RBMS3: variants seen among roughly 807,000 people sequenced by gnomAD.
RBMS3 encodes the protein RNA binding motif single stranded interacting protein 3.
In RBMS3, 27 loss-of-function variants were observed where a neutral mutation model predicts 66.8. The ratio of observed to expected loss-of-function variants is 0.40; its 90% confidence interval spans 0.30 to 0.56. The LOEUF is 0.56. RBMS3 is among the 20% of genes least tolerant of loss of function. The pLI is 0.40. For synonymous variants in RBMS3, 188 were observed against 183.0 expected, an observed-to-expected ratio of 1.03 and a Z score of -0.22; for missense variants, 513 against 549.5, an observed-to-expected ratio of 0.93 and a Z score of 0.66.
At chr3:29,733,367 CT>C (rs5847589) in intron 4 of RBMS3, among the ~76,000 whole-genome samples, 22 of 148,462 alleles carry the variant, frequency 1.5e-4, no homozygotes, top group East Asian at 2.0e-4. Context: ...TAGTTATTTC[CT>C]TTTTTTTTTG....
chr3:29,996,512 T>G (rs1441236389), intron 14 of RBMS3, among the ~76,000 whole-genome samples: 1 of 149,818 alleles, frequency 6.7e-6, no homozygotes, highest in South Asian at 2.2e-4. Flanking sequence ...GACCACATAC[T>G]TGGAAGTAAA....
chr3:29,503,391 C>T (rs1443842239), intron 3 of RBMS3, among the ~76,000 whole-genome samples: 4 of 152,044 alleles, frequency 2.6e-5, no homozygotes, highest in African/African-American at 9.7e-5. Flanking sequence ...AGCATCTGTG[C>T]TCAGTTTTTT....
rs1435221056 is a variant in RBMS3, at chr3:29,434,771, T to C, written c.104T>C (p.Met35Thr). The change falls in exon 2 of 15, where the codon ATG (methionine) becomes ACG (threonine). Residue 35 changes from methionine to threonine, a missense_variant. Met to Thr is a moderately conservative substitution (Grantham distance 81). Transcript: ENST00000383767. ...KQSYAPAPHP[M>T]APPSPSTNSS... The stretch of plus-strand genomic sequence containing the variant: ...TCCTATGCACCAGCTCCCCACCCCA[T>C]GGCTCCTCCCAGCCCCAGCACAAAC... 6.2e-7 allele frequency: 1 copy of C among 1,613,826 alleles called. No homozygotes were observed. The highest frequency in any genetic ancestry group is 2.2e-5 in the East Asian group (1 of 44,886).
In RBMS3 at chr3:29,302,758, G is replaced by T. The variant is rs557406962; in HGVS notation, c.75+21002G>T. Among the ~76,000 whole-genome samples the T allele has an allele frequency of 2.3e-3, 344 of 152,144 alleles. 1 individual carries two copies. The highest frequency in any genetic ancestry group is 7.6e-3 in the African/African-American group (315 of 41,558). ...GTCCAAACTCCCTTGCCAATAGAGAGAAGTTCTGTGCTATGTGGCTGGGAT... is the reference window on the plus strand; with the variant it reads ...GTCCAAACTCCCTTGCCAATAGAGATAAGTTCTGTGCTATGTGGCTGGGAT... On this transcript the variant is annotated intron_variant, in intron 1 of 14. Transcript: ENST00000383767.
chr3:29,517,666 C>T (rs2044698571), intron 3 of RBMS3, among the ~76,000 whole-genome samples: 1 of 152,182 alleles, frequency 6.6e-6, no homozygotes, highest in Non-Finnish European at 1.5e-5. Context: ...TCTACTGCTA[C>T]TGTCCACTAT....
intron 1 of RBMS3, among the ~76,000 whole-genome samples, chr3:29,392,391 A>T (rs548907821): frequency 6.6e-6 from 1 of 152,304 alleles, no homozygotes; most frequent in South Asian, 2.1e-4. Flanking sequence ...ATTCCATCTC[A>T]TCCACCTGGA....
chr3:29,522,667 G>A (rs1344879613), intron 3 of RBMS3, among the ~76,000 whole-genome samples: 1 of 152,102 alleles, frequency 6.6e-6, no homozygotes, highest in Non-Finnish European at 1.5e-5. Flanking sequence ...GGTACCAGGA[G>A]GAAACACTGT....
intron 1 of RBMS3, among the ~76,000 whole-genome samples, chr3:29,320,498 T>C (rs2034943959): frequency 1.3e-5 from 2 of 152,086 alleles, no homozygotes; most frequent in African/African-American, 2.4e-5. Context: ...GAGAAATTCA[T>C]ACTATCACAG....
At chr3:29,860,640 T>A (rs1391989815) in intron 6 of RBMS3, among the ~76,000 whole-genome samples, 2 of 152,206 alleles carry the variant, frequency 1.3e-5, no homozygotes, top group Non-Finnish European at 2.9e-5. Context: ...CCTTCTAGAC[T>A]GTGACCACTT....
intron 12 of RBMS3, among the ~76,000 whole-genome samples, chr3:29,953,636 CTATG>C (rs1695832642): frequency 6.6e-6 from 1 of 151,784 alleles, no homozygotes; most frequent in Admixed American, 6.6e-5. Flanking sequence ...CACATACATA[CTATG>C]TTCTAGGCAC....
At chr3:29,884,069 G>T in intron 7 of RBMS3, 93 bp from the exon 8 acceptor site, 3 of 1,080,206 alleles carry the variant, frequency 2.8e-6, no homozygotes, top group Middle Eastern at 4.1e-4. Flanking sequence ...ATCATGGAAA[G>T]TAATGATAAG....
intron 12 of RBMS3, among the ~76,000 whole-genome samples, chr3:29,962,702 A>G (rs1696565835): frequency 6.6e-6 from 1 of 152,032 alleles, no homozygotes; most frequent in South Asian, 2.1e-4. Context: ...TTGCTTGGAT[A>G]TTAAGACTCT....
intron 14 of RBMS3, among the ~76,000 whole-genome samples, chr3:30,000,646 C>A (rs1699556992): frequency 6.6e-6 from 1 of 152,068 alleles, no homozygotes; most frequent in Non-Finnish European, 1.5e-5. Flanking sequence ...ACCCAAATGC[C>A]CATTAATGAT....
chr3:29,581,264 C>CAATA (rs1350840267), intron 3 of RBMS3, among the ~76,000 whole-genome samples: 6 of 152,082 alleles, frequency 3.9e-5, no homozygotes, highest in African/African-American at 9.7e-5. Flanking sequence ...AGAAAAGTTG[C>CAATA]AATAAATATA....
At chr3:29,398,326 T>G (rs900709002) in intron 1 of RBMS3, among the ~76,000 whole-genome samples, 1 of 152,164 alleles carries the variant, frequency 6.6e-6, no homozygotes, top group African/African-American at 2.4e-5. Flanking sequence ...AGAACCTTTT[T>G]GACTAGGGAG....
chr3:29,676,287 A>T (rs1483024027), intron 4 of RBMS3, among the ~76,000 whole-genome samples: 1 of 152,094 alleles, frequency 6.6e-6, no homozygotes, highest in East Asian at 1.9e-4. Context: ...GAGTGGGGGA[A>T]GGGGGGAAGG....
intron 12 of RBMS3, among the ~76,000 whole-genome samples, chr3:29,978,311 A>G (rs1390860226): frequency 6.6e-6 from 1 of 152,208 alleles, no homozygotes; most frequent in Admixed American, 6.6e-5. Flanking sequence ...CTACCACAGA[A>G]GAACTGTAAT....
At chr3:29,902,077 CT>C (rs1207226139) in intron 10 of RBMS3, among the ~76,000 whole-genome samples, 1 of 151,760 alleles carries the variant, frequency 6.6e-6, no homozygotes, top group African/African-American at 2.4e-5. Flanking sequence ...TAATGAGGAA[CT>C]TGATGATTAA....
At chr3:29,721,721 T>C (rs947634042) in intron 4 of RBMS3, among the ~76,000 whole-genome samples, 3 of 152,190 alleles carry the variant, frequency 2.0e-5, no homozygotes, top group Admixed American at 6.5e-5. Context: ...AGTGCATATA[T>C]AGGCAACATT....
Sources: allele counts gnomAD v4.1 joint callset (sites outside exome capture counted in the v4.1 genomes callset), GRCh38; gene constraint gnomAD v4.1.1; transcripts MANE v1.5; gene names NCBI Gene and HGNC (gene_info 2026-07-23, HGNC 2026-07-21).